Variants in XPR1 observed in about 807,000 individuals in gnomAD.
XPR1 encodes xenotropic and polytropic retrovirus receptor 1.
XPR1 carries 28 observed loss-of-function variants against 87.5 expected under a neutral mutation model. The ratio of observed to expected loss-of-function variants is 0.32; its 90% CI spans 0.24 to 0.44. The LOEUF (loss-of-function observed/expected upper bound fraction) is 0.44. Ranked by LOEUF, XPR1 falls within the 20% of genes least tolerant of loss-of-function variation. XPR1 has a pLI of 1.00. For synonymous variants in XPR1, 300 were observed against 306.1 expected (o/e 0.98, Z 0.21); for missense variants, 559 against 862.3 (o/e 0.65, Z 4.41).
At chr1:180,759,758 C>A (rs1489662574) in intron 2 of XPR1, among the ~76,000 whole-genome samples, 1 of 152,210 alleles carries the variant, frequency 6.6e-6, no homozygotes, top group Admixed American at 6.5e-5. Flanking sequence ...CTCCCTAACT[C>A]ATTTTATGAG....
At chr1:180,841,905 T>C (rs1279730669) in intron 11 of XPR1, among the ~76,000 whole-genome samples, 5 of 152,148 alleles carry the variant, frequency 3.3e-5, no homozygotes, top group Non-Finnish European at 7.4e-5. Context: ...AGAGGAACCA[T>C]TGACAGAAAA....
intron 11 of XPR1, among the ~76,000 whole-genome samples, chr1:180,855,245 C>T (rs1354405643): frequency 6.6e-6 from 1 of 152,086 alleles, no homozygotes; most frequent in African/African-American, 2.4e-5. Flanking sequence ...ACAGTATAAG[C>T]ACAAGCAAAA....
intron 1 of XPR1, among the ~76,000 whole-genome samples, chr1:180,656,157 G>A (rs1399166687): frequency 2.7e-5 from 4 of 149,748 alleles, no homozygotes; most frequent in Non-Finnish European, 5.9e-5. Context: ...TGAGTTCAAT[G>A]GTTTTAATTT....
intron 2 of XPR1, among the ~76,000 whole-genome samples, chr1:180,688,162 C>G (rs1246301895): frequency 6.6e-6 from 1 of 150,466 alleles, no homozygotes; most frequent in Non-Finnish European, 1.5e-5. Context: ...AAGTGATTCT[C>G]CTGCCTCAGC....
At chr1:180,720,653 T>G (rs1235487041) in intron 2 of XPR1, among the ~76,000 whole-genome samples, 1 of 152,182 alleles carries the variant, frequency 6.6e-6, no homozygotes, top group Non-Finnish European at 1.5e-5. Context: ...TAAATGCTAA[T>G]TCTTGGACCT....
At chr1:180,714,809 G>A (rs1158452080) in intron 2 of XPR1, among the ~76,000 whole-genome samples, 2 of 151,684 alleles carry the variant, frequency 1.3e-5, no homozygotes, top group Admixed American at 1.3e-4. Context: ...AGTGGAAAAT[G>A]TATTTCTGTT....
chr1:180,778,025 T>C (rs975503130), intron 2 of XPR1, among the ~76,000 whole-genome samples: 1 of 152,158 alleles, frequency 6.6e-6, no homozygotes, highest in Non-Finnish European at 1.5e-5. Flanking sequence ...AGTCTGTCAC[T>C]CAGGCTAGAG....
intron 3 of XPR1, among the ~76,000 whole-genome samples, chr1:180,791,392 C>G (rs1473343806): frequency 6.6e-6 from 1 of 152,222 alleles, no homozygotes; most frequent in Non-Finnish European, 1.5e-5. Flanking sequence ...CTGCCTCAGC[C>G]TCCAGCATAG....
At chr1:180,847,001 T>C (rs1651708378) in intron 11 of XPR1, among the ~76,000 whole-genome samples, 1 of 152,192 alleles carries the variant, frequency 6.6e-6, no homozygotes, top group Admixed American at 6.5e-5. Context: ...TTTAGTTGCT[T>C]CTGAATAATA....
At chr1:180,795,504 C>A (rs542039815) in intron 3 of XPR1, among the ~76,000 whole-genome samples, 1 of 152,190 alleles carries the variant, frequency 6.6e-6, no homozygotes, top group South Asian at 2.1e-4. Flanking sequence ...CTGTTTTCAT[C>A]AATATTATAA....
chr1:180,785,498 A>G (rs1471928994), intron 2 of XPR1, among the ~76,000 whole-genome samples: 1 of 152,058 alleles, frequency 6.6e-6, no homozygotes, highest in African/African-American at 2.4e-5. Flanking sequence ...AATTCTTAGG[A>G]GACTGATTCA....
At chr1:180,831,460 A>G (rs1651063336) in intron 9 of XPR1, among the ~76,000 whole-genome samples, 1 of 146,972 alleles carries the variant, frequency 6.8e-6, no homozygotes. Flanking sequence ...GGTTTGTTAC[A>G]TAGGTATACA....
chr1:180,875,537 T>G (rs1346346000), intron 13 of XPR1, among the ~76,000 whole-genome samples: 1 of 151,470 alleles, frequency 6.6e-6, no homozygotes, highest in African/African-American at 2.4e-5. Context: ...AATTTTTTTT[T>G]GAACAGAATG....
intron 1 of XPR1, among the ~76,000 whole-genome samples, chr1:180,657,027 C>T (rs1655556464): frequency 6.6e-6 from 1 of 151,944 alleles, no homozygotes; most frequent in African/African-American, 2.4e-5. Flanking sequence ...GGATATAATT[C>T]ATTTTAAATG....
chr1:180,864,322 G>A (rs1652314641), intron 12 of XPR1, among the ~76,000 whole-genome samples: 1 of 151,982 alleles, frequency 6.6e-6, no homozygotes, highest in African/African-American at 2.4e-5. Flanking sequence ...ATTTTTCCTA[G>A]CATAGTCAGC....
At chr1:180,728,961 A>G (rs1475454384) in intron 2 of XPR1, among the ~76,000 whole-genome samples, 1 of 152,184 alleles carries the variant, frequency 6.6e-6, no homozygotes, top group Non-Finnish European at 1.5e-5. Context: ...AGCAAAGTAT[A>G]TGATAGCAGT....
At chr1:180,664,241 C>T (rs910581528) in intron 1 of XPR1, among the ~76,000 whole-genome samples, 16 of 152,240 alleles carry the variant, frequency 1.1e-4, no homozygotes, top group African/African-American at 2.6e-4. Context: ...GTGAATGTGC[C>T]GGCTTACACG....
At chr1:180,668,105 A>G (rs1571702130) in intron 1 of XPR1, among the ~76,000 whole-genome samples, 1 of 129,164 alleles carries the variant, frequency 7.7e-6, no homozygotes, top group Admixed American at 7.5e-5. Context: ...CTTTGCTTTC[A>G]TATTTATTTC....
At chr1:180,811,551 CT>C in intron 7 of XPR1, 63 bp downstream of exon 7, 2 of 1,347,564 alleles carry the variant, frequency 1.5e-6, no homozygotes, top group Non-Finnish European at 2.1e-6. Flanking sequence ...TATTCTGCCC[CT>C]CTGTAAGGAA....
Sources: allele counts gnomAD v4.1 joint callset (sites outside exome capture counted in the v4.1 genomes callset), GRCh38; gene constraint gnomAD v4.1.1; transcripts MANE v1.5; gene names NCBI Gene and HGNC (gene_info 2026-07-23, HGNC 2026-07-21).